The following ANK3 variants were observed in gnomAD, a reference collection of about 807,000 sequenced individuals.
ANK3 encodes ankyrin-3.
In ANK3, 57 loss-of-function variants were observed where a neutral mutation model predicts 370.9. The observed-to-expected ratio is 0.15, with a 90% CI of 0.12 to 0.19. The LOEUF is 0.19. Ranked by LOEUF, ANK3 falls within the 10% of genes least tolerant of loss-of-function variation. The probability of loss-of-function intolerance (pLI) is 1.00; values close to 1 mark genes in which losing one functional copy is unlikely to be tolerated. For missense variants in ANK3, 4,439 were observed against 5,302.1 expected, an observed-to-expected ratio of 0.84 and a Z score of 5.06; for synonymous variants, 1,929 against 1,946.3, an observed-to-expected ratio of 0.99 and a Z score of 0.23.
chr10:60,204,652 AAAACTTT>A (rs1329836355), intron 11 of ANK3, among the ~76,000 whole-genome samples: 3 of 152,178 alleles, frequency 2.0e-5, no homozygotes, highest in African/African-American at 7.2e-5. Flanking sequence ...GGCATTCAAC[AAAACTTT>A]ACTGAATGAT....
intron 1 of ANK3, among the ~76,000 whole-genome samples, chr10:60,350,047 C>T (rs1252896586): frequency 2.6e-5 from 4 of 152,138 alleles, no homozygotes; most frequent in South Asian, 4.1e-4. Flanking sequence ...ACAGTGATGG[C>T]CTCATTTATT....
At chr10:60,596,672 T>G (rs1750849833) in intron 2 of ANK3, among the ~76,000 whole-genome samples, 1 of 152,172 alleles carries the variant, frequency 6.6e-6, no homozygotes, top group Non-Finnish European at 1.5e-5. Context: ...TATACAAAAG[T>G]ACATTTTTGA....
At chr10:60,571,279 T>G (rs1222914562) in intron 2 of ANK3, among the ~76,000 whole-genome samples, 1 of 152,214 alleles carries the variant, frequency 6.6e-6, no homozygotes, top group Non-Finnish European at 1.5e-5. Context: ...AATGTTGGCA[T>G]GTACATAGAC....
intron 2 of ANK3, among the ~76,000 whole-genome samples, chr10:60,449,368 T>C (rs938843260): frequency 6.6e-6 from 1 of 152,236 alleles, no homozygotes; most frequent in Non-Finnish European, 1.5e-5. Context: ...ATCTGGTATG[T>C]GTTTTGCACT....
intron 2 of ANK3, among the ~76,000 whole-genome samples, chr10:60,481,999 C>G (rs12770054): frequency 6.6e-6 from 1 of 151,960 alleles, no homozygotes. Flanking sequence ...ATCCTGGCAT[C>G]GCTCAAAAAA....
chr10:60,121,951 A>G (rs1245647773), intron 25 of ANK3, among the ~76,000 whole-genome samples: 2 of 152,204 alleles, frequency 1.3e-5, no homozygotes, highest in Admixed American at 6.5e-5. Flanking sequence ...TAAAATAAAA[A>G]TGATAAACAG....
chr10:60,437,234 G>C (rs757515855), intron 2 of ANK3, among the ~76,000 whole-genome samples: 1 of 152,208 alleles, frequency 6.6e-6, no homozygotes, highest in Non-Finnish European at 1.5e-5. Context: ...AGAGGACTCA[G>C]CGCTGGCCAG....
intron 1 of ANK3, among the ~76,000 whole-genome samples, chr10:60,311,793 C>G (rs1422321215): frequency 1.3e-5 from 2 of 152,164 alleles, no homozygotes; most frequent in African/African-American, 4.8e-5. Flanking sequence ...ATCAATAGGT[C>G]ACAGAATATG....
At chr10:60,151,792 C>T (rs1433274869) in intron 23 of ANK3, among the ~76,000 whole-genome samples, 6 of 152,172 alleles carry the variant, frequency 3.9e-5, no homozygotes, top group Non-Finnish European at 2.9e-5. Flanking sequence ...AATTACCAGA[C>T]AACATCTATA....
intron 23 of ANK3, among the ~76,000 whole-genome samples, chr10:60,158,262 G>A (rs1457334174): frequency 6.6e-6 from 1 of 152,082 alleles, no homozygotes; most frequent in Non-Finnish European, 1.5e-5. Context: ...ATATTAATGA[G>A]CAACAAGAAA....
intron 1 of ANK3, among the ~76,000 whole-genome samples, chr10:60,661,443 C>T (rs1266926669): frequency 6.6e-6 from 1 of 151,990 alleles, no homozygotes; most frequent in Non-Finnish European, 1.5e-5. Context: ...TGCACCATGC[C>T]CAGACATACA....
At chr10:60,669,541 G>C (rs1223407238) in intron 1 of ANK3, among the ~76,000 whole-genome samples, 1 of 152,082 alleles carries the variant, frequency 6.6e-6, no homozygotes, top group East Asian at 1.9e-4. Flanking sequence ...TGCTGCCCTG[G>C]GGAATCACTA....
intron 42 of ANK3, among the ~76,000 whole-genome samples, chr10:60,052,073 G>C (rs1484868253): frequency 6.6e-6 from 1 of 152,016 alleles, no homozygotes; most frequent in Non-Finnish European, 1.5e-5. Context: ...AAAAAGTAAA[G>C]AATCTAGCTG....
intron 42 of ANK3, among the ~76,000 whole-genome samples, chr10:60,054,908 G>T (rs190123989): frequency 6.6e-6 from 1 of 151,936 alleles, no homozygotes; most frequent in African/African-American, 2.4e-5. Flanking sequence ...TTATATCCAC[G>T]TATGAGTCAT....
rs1176405590 is a variant in ANK3 at position 60,072,648 on chromosome 10, T to C, written c.8233A>G (p.Arg2745Gly). Residue 2745 changes from arginine (R) to glycine (G), a missense_variant, in exon 37 of 44, where the codon AGA becomes GGA. Arg to Gly is a moderately radical substitution (Grantham distance 125). This residue lies in a region of ANK3 where 1,601 missense variants were observed against 1,731.7 expected (regional missense o/e 0.92). Transcript: ENST00000280772. ...TCCTGTATTTTTTTAACTGGGATTCTGGACTGGCCATCTGACTTTCTGTCT... is the reference window on the plus strand; with the variant it reads ...TCCTGTATTTTTTTAACTGGGATTCCGGACTGGCCATCTGACTTTCTGTCT... ...QEDRKSDGQSRIPVKKIQESK... is the reference protein window; with the variant it reads ...QEDRKSDGQSGIPVKKIQESK... 1 of 1,614,146 alleles carries C rather than the reference T, an allele frequency of 6.2e-7. No homozygotes were observed. The highest frequency in any genetic ancestry group is 1.1e-5 in the South Asian group (1 of 91,062).
At chr10:60,632,291 A>G (rs2078494919) in intron 1 of ANK3, among the ~76,000 whole-genome samples, 1 of 152,176 alleles carries the variant, frequency 6.6e-6, no homozygotes, top group African/African-American at 2.4e-5. Flanking sequence ...TCACATTTCA[A>G]TCTCTTCTAA....
At chr10:60,126,813 T>C (rs1343539581) in intron 25 of ANK3, among the ~76,000 whole-genome samples, 2 of 152,216 alleles carry the variant, frequency 1.3e-5, no homozygotes, top group Non-Finnish European at 2.9e-5. Flanking sequence ...CATAAAATAA[T>C]AGAATCTCAA....
At position 60,543,846 on chromosome 10, in the gene ANK3, C is replaced by T. The variant is rs535912432; in HGVS notation, c.96+71340G>A. On this transcript the variant is annotated intron_variant, in intron 2 of 43. Coordinates refer to the ANK3 transcript ENST00000373827. Reference sequence around the variant, plus strand: ...GTTTACCTGAAATCCCAGCATGGTGCTTTCCCTAGTCAATCTGTCCAGACT... The same window carrying T: ...GTTTACCTGAAATCCCAGCATGGTGTTTTCCCTAGTCAATCTGTCCAGACT... Among the ~76,000 whole-genome samples the T allele has an allele frequency of 2.6e-4, 40 of 152,180 alleles. No individual in the cohort carries two copies. The South Asian group carries it at 8.1e-3, about 31-fold the overall frequency.
intron 43 of ANK3, among the ~76,000 whole-genome samples, chr10:60,038,456 G>A (rs528649943): frequency 1.3e-5 from 2 of 152,216 alleles, no homozygotes; most frequent in Non-Finnish European, 2.9e-5. Context: ...TAATGGGGTG[G>A]GTGGTTTTTT....
Sources: allele counts gnomAD v4.1 joint callset (sites outside exome capture counted in the v4.1 genomes callset), GRCh38; gene constraint gnomAD v4.1.1; regional missense constraint gnomAD v4.1.1; transcripts MANE v1.5; gene names NCBI Gene and HGNC (gene_info 2026-07-23, HGNC 2026-07-21).